NT5DC1: variants seen among roughly 807,000 people sequenced by gnomAD.
NT5DC1 encodes the protein 5'-nucleotidase domain-containing protein 1.
In NT5DC1, 42 loss-of-function variants were observed where a neutral mutation model predicts 59.4. The ratio of observed to expected loss-of-function variants is 0.71; its 90% CI spans 0.55 to 0.92. The LOEUF is 0.92. Ranked by LOEUF, NT5DC1 falls within the 40% of genes least tolerant of loss-of-function variation. The pLI is 0.00. For missense variants in NT5DC1, 501 were observed against 537.1 expected, an observed-to-expected ratio of 0.93 and a Z score of 0.66; for synonymous variants, 172 against 188.1, an observed-to-expected ratio of 0.91 and a Z score of 0.70.
intron 6 of NT5DC1, among the ~76,000 whole-genome samples, chr6:116,123,521 A>G (rs1779200718): frequency 6.6e-6 from 1 of 152,262 alleles, no homozygotes; most frequent in Non-Finnish European, 1.5e-5. Context: ...TCTGCCCACC[A>G]GCTGTGGAAT....
chr6:116,183,675 G>T (rs1180351552), intron 6 of NT5DC1, among the ~76,000 whole-genome samples: 1 of 151,576 alleles, frequency 6.6e-6, no homozygotes, highest in South Asian at 2.1e-4. Flanking sequence ...TATAAAAGGG[G>T]TTGAGTTCTT....
At chr6:116,117,415 A>G (rs1166253246) in intron 5 of NT5DC1, among the ~76,000 whole-genome samples, 1 of 152,240 alleles carries the variant, frequency 6.6e-6, no homozygotes, top group East Asian at 1.9e-4. Context: ...ATCAGAATAT[A>G]GTAATACAGA....
chr6:116,170,798 G>C (rs146971713), intron 6 of NT5DC1, among the ~76,000 whole-genome samples: 1 of 152,090 alleles, frequency 6.6e-6, no homozygotes, highest in African/African-American at 2.4e-5. Context: ...ACCTTCAGTT[G>C]ATCACCTTAG....
chr6:116,224,495 G>C (rs1320064154), intron 8 of NT5DC1, among the ~76,000 whole-genome samples: 1 of 152,228 alleles, frequency 6.6e-6, no homozygotes, highest in African/African-American at 2.4e-5. Context: ...TATGGGGCAG[G>C]CCTCCTTAGA....
chr6:116,162,394 A>G (rs1428913641), intron 6 of NT5DC1, among the ~76,000 whole-genome samples: 2 of 152,166 alleles, frequency 1.3e-5, no homozygotes, highest in African/African-American at 4.8e-5. Context: ...CCCTGTAAGT[A>G]TGATGTTGGC....
chr6:116,134,841 A>G (rs1244018836), intron 6 of NT5DC1, among the ~76,000 whole-genome samples: 1 of 152,208 alleles, frequency 6.6e-6, no homozygotes, highest in Non-Finnish European at 1.5e-5. Flanking sequence ...TTCTGAAAGT[A>G]GGCATGGTAG....
rs1008464317 is a variant in NT5DC1 at position 116,246,526 on chromosome 6, T to G, written c.*2502T>G. The G allele has an allele frequency of 6.6e-6, 1 of 150,806 alleles. No individual in the cohort carries two copies. The highest frequency in any genetic ancestry group is 2.1e-4 in the South Asian group (1 of 4,788). The allele number at this position is 150,806 out of a possible 1,614,324, so 9.3% of individuals were successfully genotyped here. The stretch of plus-strand genomic sequence containing the variant: ...TGAACTGGTTTGAATGAAAATAAAT[T>G]TATATAATTATTTTATATAACAAAT... On this transcript the variant is annotated 3_prime_UTR_variant, in exon 12 of 12. Coordinates refer to ENST00000319550, the MANE Select transcript of NT5DC1 (RefSeq NM_152729.3).
intron 11 of NT5DC1, among the ~76,000 whole-genome samples, chr6:116,239,502 G>C (rs1782184329): frequency 6.6e-6 from 1 of 152,178 alleles, no homozygotes; most frequent in Admixed American, 6.5e-5. Context: ...GAATCTACAG[G>C]AATAGGAACT....
At chr6:116,207,657 C>T (rs988347128) in intron 6 of NT5DC1, among the ~76,000 whole-genome samples, 1 of 151,490 alleles carries the variant, frequency 6.6e-6, no homozygotes, top group African/African-American at 2.4e-5. Flanking sequence ...AAAATAAGAC[C>T]AAAGAAGAAA....
intron 6 of NT5DC1, among the ~76,000 whole-genome samples, chr6:116,144,214 TA>T (rs1245889126): frequency 6.6e-6 from 1 of 152,060 alleles, no homozygotes; most frequent in African/African-American, 2.4e-5. Context: ...CATTAAAGTG[TA>T]AAAGGAGGCC....
chr6:116,197,080 G>A (rs1188417542), intron 6 of NT5DC1, among the ~76,000 whole-genome samples: 1 of 151,698 alleles, frequency 6.6e-6, no homozygotes, highest in African/African-American at 2.4e-5. Context: ...AGAGGGTCAC[G>A]GGAAGCAGGA....
chr6:116,102,239 C>A (rs1778674245), intron 1 of NT5DC1, among the ~76,000 whole-genome samples: 1 of 152,004 alleles, frequency 6.6e-6, no homozygotes, highest in African/African-American at 2.4e-5. Flanking sequence ...CTGCACCCAC[C>A]AGTTCAGGTA....
At chr6:116,120,462 A>G (rs764376492) in intron 6 of NT5DC1, 1 of 1,614,280 alleles carries the variant, frequency 6.2e-7, no homozygotes, top group Non-Finnish European at 8.5e-7. Flanking sequence ...GTAAAAGCAG[A>G]CACAGGCATT....
chr6:116,151,107 G>A (rs549923291), intron 6 of NT5DC1, among the ~76,000 whole-genome samples: 8 of 152,228 alleles, frequency 5.3e-5, no homozygotes, highest in African/African-American at 1.9e-4. Context: ...AGAATTTGCA[G>A]CTCCTAATTG....
rs567345383 is a variant in NT5DC1 at position 116,117,766 on chromosome 6, C to G, written c.445-95C>G. 1.8e-4 allele frequency: 125 copies of G among 682,146 alleles called. 1 individual carries two copies. In the Middle Eastern group the frequency reaches 2.0e-3, roughly 11 times the overall value. 42.3% of individuals were successfully genotyped at this position (682,146 alleles called of 1,614,324 possible). On this transcript the variant is annotated intron_variant, in intron 5 of 11. Coordinates refer to ENST00000319550, the MANE Select transcript of NT5DC1 (RefSeq NM_152729.3). ...AATTGTAAGTCTAACCATCTTAAGT[C>G]AGGGACTGTCTGCATTGTAATTGTT...
intron 6 of NT5DC1, among the ~76,000 whole-genome samples, chr6:116,140,804 A>G (rs112793386): frequency 1.3e-5 from 2 of 152,170 alleles, no homozygotes; most frequent in African/African-American, 2.4e-5. Flanking sequence ...GTCCATACTG[A>G]TGTGTGGGGC....
intron 6 of NT5DC1, among the ~76,000 whole-genome samples, chr6:116,192,467 A>T (rs1276531894): frequency 1.3e-5 from 2 of 152,096 alleles, no homozygotes; most frequent in African/African-American, 4.8e-5. Context: ...AACTATATAC[A>T]GATGAAAGAC....
intron 6 of NT5DC1, among the ~76,000 whole-genome samples, chr6:116,204,957 T>C (rs1478267408): frequency 1.3e-5 from 2 of 151,988 alleles, no homozygotes; most frequent in Admixed American, 6.6e-5. Context: ...AAAATACATG[T>C]ATATGTGTGT....
intron 6 of NT5DC1, among the ~76,000 whole-genome samples, chr6:116,160,845 ATACC>A (rs1780309656): frequency 6.6e-6 from 1 of 152,178 alleles, no homozygotes; most frequent in Admixed American, 6.5e-5. Flanking sequence ...TACTGGGTAT[ATACC>A]CAAAGGACTA....
Sources: gnomAD v4.1 joint callset for allele counts (sites outside exome capture counted in the v4.1 genomes callset) on GRCh38, gnomAD v4.1.1 for gene constraint, MANE v1.5 for transcripts, NCBI Gene and HGNC (gene_info 2026-07-23, HGNC 2026-07-21) for gene names.